Variants in ALKBH8 observed in about 807,000 individuals in gnomAD.
The protein encoded by ALKBH8 is tRNA (carboxymethyluridine(34)-5-O)-methyltransferase ALKBH8.
Under a neutral mutation model 59.8 loss-of-function variants are expected in ALKBH8, and 36 were observed. The ratio of observed to expected loss-of-function variants is 0.60; its 90% CI spans 0.46 to 0.79. The LOEUF (loss-of-function observed/expected upper bound fraction) is 0.79, where lower values mean the gene tolerates loss of function less well. Among genes scored for constraint, ALKBH8 ranks in the 30% least tolerant of loss-of-function variants. ALKBH8 has a pLI of 0.00. For missense variants in ALKBH8, 768 were observed against 801.0 expected (o/e 0.96, Z 0.50); for synonymous variants, 276 against 273.6 (o/e 1.01, Z -0.09).
At chr11:107,546,856 T>C (rs964074757) in intron 7 of ALKBH8, among the ~76,000 whole-genome samples, 1 of 152,168 alleles carries the variant, frequency 6.6e-6, no homozygotes, top group African/African-American at 2.4e-5. Context: ...AGACATACTA[T>C]AAGAGCTTTA....
chr11:107,504,644 G>A lies in ALKBH8; in HGVS notation c.*14C>T. 1.9e-6 allele frequency: 3 copies of A among 1,542,830 alleles called. No individual in the cohort carries two copies. Among genetic ancestry groups the A allele is most frequent in the Non-Finnish European group, 2.6e-6 (3 of 1,143,546 alleles). On this transcript the variant is annotated 3_prime_UTR_variant, in exon 12 of 12. Coordinates refer to ENST00000428149, the MANE Select transcript of ALKBH8 (RefSeq NM_138775.3). Reference sequence around the variant, plus strand: ...AGCATTTCTTCTTTATATATGATGTGTTCAGGTAAATAATCAGGCCTTTTG... The same window carrying A: ...AGCATTTCTTCTTTATATATGATGTATTCAGGTAAATAATCAGGCCTTTTG...
At chr11:107,537,146 G>A (rs1361474214) in intron 7 of ALKBH8, among the ~76,000 whole-genome samples, 1 of 152,210 alleles carries the variant, frequency 6.6e-6, no homozygotes, top group African/African-American at 2.4e-5. Flanking sequence ...AGCAGAAGGT[G>A]CACAAATCAA....
chr11:107,512,075 C>A (rs893806822), intron 10 of ALKBH8, among the ~76,000 whole-genome samples: 35 of 152,148 alleles, frequency 2.3e-4, no homozygotes, highest in Admixed American at 6.5e-4. Context: ...ACCTAGCATG[C>A]CTTATGTATG....
Position 107,565,600 on chromosome 11 carries a change from C to T in ALKBH8, c.-7+1G>A, listed in dbSNP as rs775521616. On this transcript the variant is annotated splice_donor_variant, in intron 1 of 11. Coordinates refer to ENST00000428149, the MANE Select transcript of ALKBH8 (RefSeq NM_138775.3). LOFTEE classifies it low-confidence loss of function (5UTR_SPLICE). ...GCCCGCCAGTAAGAAGTGCCACACA[C>T]CTCCGCTTCGGCTCAGGCCGGATTC... 9.8e-6 allele frequency: 15 copies of T among 1,535,636 alleles called. No homozygotes were observed. In the East Asian group the frequency reaches 1.5e-4, roughly 15 times the overall value.
intron 7 of ALKBH8, among the ~76,000 whole-genome samples, chr11:107,546,731 T>C (rs1864274242): frequency 6.6e-6 from 1 of 152,182 alleles, no homozygotes; most frequent in Admixed American, 6.5e-5. Flanking sequence ...ATATCATACA[T>C]ATTTCGAAGG....
In ALKBH8 at chr11:107,525,571, A is replaced by T; in HGVS notation, c.900T>A (p.Asp300Glu). 1 of 1,437,628 alleles carries T rather than the reference A, an allele frequency of 7.0e-7. No individual in the cohort carries two copies. Among genetic ancestry groups the T allele is most frequent in the South Asian group, 1.5e-5 (1 of 66,476 alleles). The allele number at this position is 1,437,628 out of a possible 1,614,324, so 89.1% of individuals were successfully genotyped here. Residue 300 changes from aspartate (D) to glutamate (E), a missense_variant, in exon 9 of 12, where the codon GAT becomes GAA. Transcript: ENST00000428149. ...TAAGACTCTCAGATGCTTGAACAGTATCAAATTTTCTGCACGTGATTCTAA... is the reference window on the plus strand; with the variant it reads ...TAAGACTCTCAGATGCTTGAACAGTTTCAAATTTTCTGCACGTGATTCTAA... ...WTHGITCRKF[D>E]TVQASESLKS... is the part of the protein sequence containing the mutation.
chr11:107,560,020 AG>A (rs1308648631), intron 2 of ALKBH8, among the ~76,000 whole-genome samples: 1 of 152,198 alleles, frequency 6.6e-6, no homozygotes, highest in African/African-American at 2.4e-5. Flanking sequence ...TTTAATGTCC[AG>A]TAAGTACAAT....
rs182099595 is a variant in ALKBH8 at position 107,523,376 on chromosome 11, C to G, written c.1031-821G>C. 3.3e-4 allele frequency among the ~76,000 whole-genome samples: 50 copies of G among 152,148 alleles called. 1 individual carries two copies. The East Asian group carries it at 6.8e-3, about 21-fold the overall frequency. On this transcript the variant is annotated intron_variant, in intron 9 of 11. Transcript: ENST00000428149. ...ACAGAGAAGGCAAATACTATACAATCTCACTCATATATGGAATCTAAAAAA... is the reference window on the plus strand; with the variant it reads ...ACAGAGAAGGCAAATACTATACAATGTCACTCATATATGGAATCTAAAAAA...
rs561956886 is a variant in ALKBH8, at chr11:107,530,418, C to G, written c.878+1882G>C. Among the ~76,000 whole-genome samples, 17 of 152,228 alleles carry G rather than the reference C, an allele frequency of 1.1e-4. No individual in the cohort carries two copies. In the South Asian group the frequency reaches 3.5e-3, roughly 32 times the overall value. Reference sequence around the variant, plus strand: ...CAAGGCTTATTTCCTGTTATTTATACATGTTTTAAGTGTATCAAATATGCT... The same window carrying G: ...CAAGGCTTATTTCCTGTTATTTATAGATGTTTTAAGTGTATCAAATATGCT... On this transcript the variant is annotated intron_variant, in intron 8 of 11. Transcript: ENST00000428149.
At chr11:107,560,667 AACAATT>A (rs1864898071) in intron 2 of ALKBH8, 92 bp downstream of exon 2, 1 of 1,209,212 alleles carries the variant, frequency 8.3e-7, no homozygotes, top group African/African-American at 1.5e-5. Context: ...CACATGACTG[AACAATT>A]ACAGCCTTAG....
At chr11:107,520,118 T>C (rs1401901807) in intron 10 of ALKBH8, among the ~76,000 whole-genome samples, 3 of 152,194 alleles carry the variant, frequency 2.0e-5, no homozygotes, top group South Asian at 2.1e-4. Context: ...CTGCCAGACA[T>C]AGCACTGTAT....
chr11:107,518,035 T>C (rs1202975751), intron 10 of ALKBH8, among the ~76,000 whole-genome samples: 1 of 152,084 alleles, frequency 6.6e-6, no homozygotes, highest in Non-Finnish European at 1.5e-5. Context: ...CATAATTTCA[T>C]CTGTCCTGTA....
intron 2 of ALKBH8, among the ~76,000 whole-genome samples, chr11:107,558,521 G>A (rs1182814234): frequency 6.6e-6 from 1 of 152,072 alleles, no homozygotes; most frequent in African/African-American, 2.4e-5. Context: ...GGTGTTGAGG[G>A]TCCACTACCC....
intron 8 of ALKBH8, among the ~76,000 whole-genome samples, chr11:107,530,093 A>C (rs538572594): frequency 2.2e-4 from 34 of 152,262 alleles, no homozygotes; most frequent in African/African-American, 7.9e-4. Context: ...TTTTATGTGA[A>C]AACTCCTAAT....
intron 7 of ALKBH8, among the ~76,000 whole-genome samples, chr11:107,533,320 A>G (rs1404421491): frequency 6.6e-6 from 1 of 152,228 alleles, no homozygotes; most frequent in Non-Finnish European, 1.5e-5. Flanking sequence ...AATTCAGCAT[A>G]GTACCTTCCT....
At chr11:107,507,942 G>A (rs1591240215) in intron 11 of ALKBH8, among the ~76,000 whole-genome samples, 2 of 151,956 alleles carry the variant, frequency 1.3e-5, no homozygotes. Context: ...ATCTCTATCA[G>A]GCATTTATTT....
At chr11:107,557,107 A>G in intron 2 of ALKBH8, 104 bp from the exon 3 acceptor site, 1 of 849,400 alleles carries the variant, frequency 1.2e-6, no homozygotes, top group South Asian at 3.2e-5. Flanking sequence ...TAATTAAGAA[A>G]AAAAAAGCAT....
Position 107,522,459 on chromosome 11 carries a change from T to A in ALKBH8, c.1127A>T (p.His376Leu). The change falls in exon 10 of 12, where the codon CAT becomes CTT. Residue 376 changes from histidine to leucine, a missense_variant. His to Leu is a moderately conservative substitution (Grantham distance 99). Transcript: ENST00000428149. ...EASRLEQEYV[H>L]QVYEEIAGHF... Reference sequence around the variant, plus strand: ...CCCAGCAATCTCTTCATAAACCTGATGGACGTACTCTTGCTCCAGCCGTGA... The same window carrying A: ...CCCAGCAATCTCTTCATAAACCTGAAGGACGTACTCTTGCTCCAGCCGTGA... The A allele has an allele frequency of 6.4e-7, 1 of 1,551,788 alleles. No individual in the cohort carries two copies. Among genetic ancestry groups the A allele is most frequent in the Middle Eastern group, 1.7e-4 (1 of 5,994 alleles).
intron 11 of ALKBH8, among the ~76,000 whole-genome samples, chr11:107,508,338 A>G (rs1191228426): frequency 6.6e-6 from 1 of 152,030 alleles, no homozygotes; most frequent in African/African-American, 2.4e-5. Flanking sequence ...CAACCCAGAT[A>G]ACTTTTGTAT....
Sources: gnomAD v4.1 joint callset for allele counts (sites outside exome capture counted in the v4.1 genomes callset) on GRCh38, gnomAD v4.1.1 for gene constraint, MANE v1.5 for transcripts, NCBI Gene and HGNC (gene_info 2026-07-23, HGNC 2026-07-21) for gene names.